The following AGAP1 variants were observed in gnomAD, a reference collection of about 807,000 sequenced individuals.
AGAP1 encodes the protein ArfGAP with GTPase domain, ankyrin repeat and PH domain 1.
A neutral mutation model predicts 105.3 loss-of-function variants in AGAP1; 29 were observed. The observed-to-expected ratio is 0.28, with a 90% CI of 0.21 to 0.38. The LOEUF is 0.38. Ranked by LOEUF, AGAP1 falls within the 10% of genes least tolerant of loss-of-function variation. AGAP1 has a pLI of 1.00. For synonymous variants in AGAP1, 509 were observed against 485.9 expected (o/e 1.05, Z -0.63); for missense variants, 998 against 1,165.1 (o/e 0.86, Z 2.09).
chr2:235,545,727 C>T (rs1442042692), intron 1 of AGAP1, among the ~76,000 whole-genome samples: 3 of 152,208 alleles, frequency 2.0e-5, no homozygotes, highest in African/African-American at 7.2e-5. Context: ...CCTCCTGTCA[C>T]CTGCAGTGGC....
At chr2:236,107,428 G>A (rs902660274) in intron 16 of AGAP1, among the ~76,000 whole-genome samples, 9 of 152,116 alleles carry the variant, frequency 5.9e-5, no homozygotes, top group East Asian at 1.9e-4. Context: ...TCCTTTTTGC[G>A]CGCTTTCATG....
At chr2:235,929,315 C>T (rs1488474042) in intron 11 of AGAP1, among the ~76,000 whole-genome samples, 1 of 151,958 alleles carries the variant, frequency 6.6e-6, no homozygotes, top group Non-Finnish European at 1.5e-5. Flanking sequence ...CTGCATTTCT[C>T]GAATGCCTCT....
At position 235,904,978 on chromosome 2, in the gene AGAP1, T is replaced by A. The variant is rs1054229468; in HGVS notation, c.1156-3760T>A. ...TTTAAATACCGATTTTATTTATTTT[T>A]TTTTTTTAGAGCTAGTTCTTCTGAG... On this transcript the variant is annotated intron_variant, in intron 10 of 17. Transcript: ENST00000304032. This position sits in a 1 kb window ranked among gnomAD's most constrained non-coding sequence, Gnocchi z 4.2. 2.0e-5 allele frequency among the ~76,000 whole-genome samples: 3 copies of A among 152,216 alleles called. No individual in the cohort carries two copies. The highest frequency in any genetic ancestry group is 7.2e-5 in the African/African-American group (3 of 41,462).
intron 1 of AGAP1, among the ~76,000 whole-genome samples, chr2:235,653,053 A>G (rs1319529790): frequency 6.6e-6 from 1 of 152,166 alleles, no homozygotes; most frequent in Non-Finnish European, 1.5e-5. Flanking sequence ...GGGAAGGATA[A>G]GAGGGTAGGC....
intron 1 of AGAP1, among the ~76,000 whole-genome samples, chr2:235,678,095 C>T (rs545878464): frequency 3.3e-5 from 5 of 152,206 alleles, no homozygotes; most frequent in East Asian, 3.9e-4. Context: ...GGTGAGCCTG[C>T]GCGGCGCTGG....
intron 1 of AGAP1, among the ~76,000 whole-genome samples, chr2:235,602,796 G>T (rs995511754): frequency 1.3e-5 from 2 of 152,136 alleles, no homozygotes; most frequent in Non-Finnish European, 2.9e-5. Flanking sequence ...CCGCCTCCTG[G>T]GTTCAAATGA....
At chr2:235,568,364 T>A (rs907279210) in intron 1 of AGAP1, among the ~76,000 whole-genome samples, 2 of 152,244 alleles carry the variant, frequency 1.3e-5, no homozygotes, top group African/African-American at 4.8e-5. Context: ...ACGCCCGTTC[T>A]CTTACTCTGT....
At chr2:235,598,706 C>T (rs1181474576) in intron 1 of AGAP1, among the ~76,000 whole-genome samples, 1 of 152,226 alleles carries the variant, frequency 6.6e-6, no homozygotes, top group Non-Finnish European at 1.5e-5. Flanking sequence ...TTTGCTGTAA[C>T]GGAGTCGTCC....
intron 1 of AGAP1, among the ~76,000 whole-genome samples, chr2:235,573,441 T>G (rs1474120449): frequency 6.6e-6 from 1 of 152,204 alleles, no homozygotes; most frequent in Non-Finnish European, 1.5e-5. Flanking sequence ...TTAAAGCAGC[T>G]TGTTTCATTG....
At position 235,936,743 on chromosome 2, in the gene AGAP1, G is replaced by A. The variant is rs767626042; in HGVS notation, c.1483+5820G>A. On this transcript the variant is annotated intron_variant, in intron 12 of 17. Coordinates refer to ENST00000304032, the MANE Select transcript of AGAP1 (RefSeq NM_001037131.3). The surrounding 1 kb of genome is among the most constrained non-coding windows in gnomAD (Gnocchi z 4.7). ...TGGGAGGGTATCAGTGAAGCGTGGT[G>A]GGGAGGAAATACATGTGTTGACAGC... Among the ~76,000 whole-genome samples the A allele has an allele frequency of 1.3e-5, 2 of 152,142 alleles. No individual in the cohort carries two copies. Among genetic ancestry groups the A allele is most frequent in the Non-Finnish European group, 2.9e-5 (2 of 68,034 alleles).
chr2:235,670,797 A>G, intron 1 of AGAP1: 2 of 1,360,236 alleles, frequency 1.5e-6, no homozygotes, highest in Non-Finnish European at 2.0e-6. Flanking sequence ...GAACGCAGTA[A>G]GAGCAAGAAC....
rs559038490 is a variant in AGAP1 at position 235,622,996 on chromosome 2, G to A, written c.164-86183G>A. Among the ~76,000 whole-genome samples, 15 of 152,270 alleles carry A rather than the reference G, an allele frequency of 9.9e-5. No homozygotes were observed. The highest frequency in any genetic ancestry group is 2.1e-4 in the South Asian group (1 of 4,830). ...AACAAAGTCAACAGCAATGACTGTC[G>A]CTGAATCTTAAGTTTATTCTGGATT... is the stretch of plus-strand genomic sequence containing the variant. On this transcript the variant is annotated intron_variant, in intron 1 of 17. Transcript: ENST00000304032. This position sits in a 1 kb window ranked among gnomAD's most constrained non-coding sequence, Gnocchi z 5.0.
rs147932319 is a variant in AGAP1, at chr2:235,912,462, T to C, written c.1324+3556T>C. ...TCACTCTTGACTCATTTGTTTTGTC[T>C]CAGTTCTGGGTGAACTGGAGGGTTT... On this transcript the variant is annotated intron_variant, in intron 11 of 17. Transcript: ENST00000304032. Among the ~76,000 whole-genome samples the C allele has an allele frequency of 3.9e-4, 59 of 152,358 alleles. 1 individual carries two copies. The highest frequency in any genetic ancestry group is 1.3e-3 in the African/African-American group (53 of 41,580).
Position 235,736,653 on chromosome 2 carries a change from G to A in AGAP1, c.311-4310G>A, listed in dbSNP as rs915797084. ...GTAGACCGCTTGAGCCCAGGAGTTC[G>A]AGACCAGCCTGGGCAACACAATGAG... On this transcript the variant is annotated intron_variant, in intron 3 of 17. Coordinates refer to ENST00000304032, the MANE Select transcript of AGAP1 (RefSeq NM_001037131.3). This position sits in a 1 kb window ranked among gnomAD's most constrained non-coding sequence, Gnocchi z 5.5. Among the ~76,000 whole-genome samples, 2 of 152,110 alleles carry A rather than the reference G, an allele frequency of 1.3e-5. No homozygotes were observed. Among genetic ancestry groups the A allele is most frequent in the African/African-American group, 4.8e-5 (2 of 41,428 alleles).
In AGAP1 at chr2:235,931,423, A is replaced by G. The variant is rs1484272756; in HGVS notation, c.1483+500A>G. Among the ~76,000 whole-genome samples, 4 of 152,034 alleles carry G rather than the reference A, an allele frequency of 2.6e-5. No individual in the cohort carries two copies. The highest frequency in any genetic ancestry group is 2.1e-4 in the South Asian group (1 of 4,822). On this transcript the variant is annotated intron_variant, in intron 12 of 17. Coordinates refer to ENST00000304032, the MANE Select transcript of AGAP1 (RefSeq NM_001037131.3). The surrounding 1 kb of genome is among the most constrained non-coding windows in gnomAD (Gnocchi z 5.6). Reference sequence around the variant, plus strand: ...CCCCTTTGTAATCCTTCAGTTTTCAAATTCCTTTGGCATTATTATTATTAT... The same window carrying G: ...CCCCTTTGTAATCCTTCAGTTTTCAGATTCCTTTGGCATTATTATTATTAT...
At chr2:235,667,059 A>G (rs116446246) in intron 1 of AGAP1, among the ~76,000 whole-genome samples, 4,846 of 152,230 alleles carry the variant, frequency 0.032, 248 homozygotes, top group African/African-American at 0.11. Context: ...CTGCAGTGAT[A>G]AAATTTTAGA....
rs139008904 is a variant in AGAP1, at chr2:235,960,505, G to A, written c.1484-7957G>A. ...GGCTGGAGGTGGCCTGGGTATGCTC[G>A]GTCCAGTGCAGGTGGGCGTGCGGAC... On this transcript the variant is annotated intron_variant, in intron 12 of 17. Transcript: ENST00000304032. This position sits in a 1 kb window ranked among gnomAD's most constrained non-coding sequence, Gnocchi z 4.9. Among the ~76,000 whole-genome samples the A allele has an allele frequency of 1.2e-4, 18 of 152,198 alleles. No homozygotes were observed. In the East Asian group the frequency reaches 2.9e-3, roughly 25 times the overall value.
chr2:235,894,448 A>G (rs2050701539), intron 10 of AGAP1, among the ~76,000 whole-genome samples: 1 of 152,240 alleles, frequency 6.6e-6, no homozygotes. Context: ...TGTCACCCCA[A>G]GAACCTTGAC....
In AGAP1 at chr2:235,661,594, G is replaced by A. The variant is rs146312289; in HGVS notation, c.164-47585G>A. On this transcript the variant is annotated intron_variant, in intron 1 of 17. Coordinates refer to ENST00000304032, the MANE Select transcript of AGAP1 (RefSeq NM_001037131.3). ...ACATGTGCATCTGCAGCGGGACTTG[G>A]TGATGTGGACTTGGGGCTTCCGATG... Among the ~76,000 whole-genome samples, 358 of 152,278 alleles carry A rather than the reference G, an allele frequency of 2.4e-3. 3 individuals carry two copies. In the Middle Eastern group the frequency reaches 0.031, roughly 13 times the overall value.
Sources: gnomAD v4.1 joint callset for allele counts (sites outside exome capture counted in the v4.1 genomes callset) on GRCh38, gnomAD v4.1.1 for gene constraint, Gnocchi (gnomAD v3.1) non-coding constraint, MANE v1.5 for transcripts, NCBI Gene and HGNC (gene_info 2026-07-23, HGNC 2026-07-21) for gene names.